Variants in ZCCHC7 observed in about 807,000 individuals in gnomAD.
The protein encoded by ZCCHC7 is zinc finger CCHC domain-containing protein 7.
Under a neutral mutation model 52.0 loss-of-function variants are expected in ZCCHC7, and 35 were observed. That is an observed-to-expected ratio of 0.67 (90% CI 0.51 to 0.89). ZCCHC7 has a LOEUF of 0.89. Among genes scored for constraint, ZCCHC7 ranks in the 40% least tolerant of loss-of-function variants. The probability of loss-of-function intolerance (pLI) is 0.00; values close to 1 mark genes in which losing one functional copy is unlikely to be tolerated. For synonymous variants in ZCCHC7, 217 were observed against 221.5 expected, an observed-to-expected ratio of 0.98 and a Z score of 0.18; for missense variants, 574 against 649.1, an observed-to-expected ratio of 0.88 and a Z score of 1.26.
chr9:37,170,459 C>CT (rs1387100228), intron 2 of ZCCHC7, among the ~76,000 whole-genome samples: 3 of 152,110 alleles, frequency 2.0e-5, no homozygotes, highest in African/African-American at 7.2e-5. Context: ...GTTCTGAGAG[C>CT]TTTTGGACTT....
At chr9:37,219,040 G>T (rs1236326367) in intron 2 of ZCCHC7, among the ~76,000 whole-genome samples, 3 of 151,312 alleles carry the variant, frequency 2.0e-5, no homozygotes, top group Non-Finnish European at 2.9e-5. Flanking sequence ...CTCCAGCCTG[G>T]TGACAGAGCA....
chr9:37,201,502 G>A (rs1302905701), intron 2 of ZCCHC7, among the ~76,000 whole-genome samples: 1 of 152,154 alleles, frequency 6.6e-6, no homozygotes, highest in Non-Finnish European at 1.5e-5. Context: ...GAGGAGGAAA[G>A]TAATAATATA....
At chr9:37,301,391 GT>G in intron 2 of ZCCHC7, among the ~76,000 whole-genome samples, 1 of 152,246 alleles carries the variant, frequency 6.6e-6, no homozygotes, top group South Asian at 2.1e-4. Context: ...GAGCTCAGGA[GT>G]TTGAGACCAG....
chr9:37,156,442 C>T (rs950335357), intron 2 of ZCCHC7, among the ~76,000 whole-genome samples: 3 of 152,162 alleles, frequency 2.0e-5, no homozygotes, highest in Admixed American at 6.6e-5. Context: ...CCGTAAACGC[C>T]ACAGCATATA....
intron 2 of ZCCHC7, among the ~76,000 whole-genome samples, chr9:37,230,833 T>C (rs533116074): frequency 3.9e-5 from 6 of 152,340 alleles, no homozygotes; most frequent in Non-Finnish European, 7.3e-5. Context: ...TGGAACTTTA[T>C]GGTTCTATGT....
chr9:37,343,159 A>T (rs1266910364), intron 6 of ZCCHC7, among the ~76,000 whole-genome samples: 1 of 152,248 alleles, frequency 6.6e-6, no homozygotes. Context: ...AGTGGGAGAC[A>T]GACTTCTCAC....
At chr9:37,292,170 A>T (rs1828570129) in intron 2 of ZCCHC7, among the ~76,000 whole-genome samples, 1 of 152,236 alleles carries the variant, frequency 6.6e-6, no homozygotes, top group Admixed American at 6.5e-5. Context: ...GTCTCATTAA[A>T]ATGTCTTATA....
At position 37,196,495 on chromosome 9, in the gene ZCCHC7, T is replaced by C. The variant is rs554217614; in HGVS notation, c.610+69553T>C. Among the ~76,000 whole-genome samples the C allele has an allele frequency of 1.2e-4, 19 of 152,290 alleles. No homozygotes were observed. The South Asian group carries it at 1.7e-3, about 13-fold the overall frequency. On this transcript the variant is annotated intron_variant, in intron 2 of 8. Transcript: ENST00000336755. ...GAGACCTGATGCAAAGAAAAAGGCA[T>C]TATTTTTAGTGGTGCAGCGATTTTG...
chr9:37,185,615 C>T (rs1822611211), intron 2 of ZCCHC7, among the ~76,000 whole-genome samples: 1 of 152,166 alleles, frequency 6.6e-6, no homozygotes, highest in Non-Finnish European at 1.5e-5. Flanking sequence ...TTTCTGGTGT[C>T]TGGTGTGGCT....
At chr9:37,330,361 G>C (rs1297601038) in intron 6 of ZCCHC7, among the ~76,000 whole-genome samples, 1 of 151,582 alleles carries the variant, frequency 6.6e-6, no homozygotes, top group Non-Finnish European at 1.5e-5. Flanking sequence ...TAATCAGCTA[G>C]ACTCGACTAC....
intron 2 of ZCCHC7, among the ~76,000 whole-genome samples, chr9:37,167,300 G>A (rs1480079103): frequency 7.1e-6 from 1 of 141,518 alleles, no homozygotes; most frequent in African/African-American, 2.6e-5. Context: ...ATGGGATCTT[G>A]CTTTGTTTCC....
chr9:37,265,514 A>G (rs185267227), intron 2 of ZCCHC7, among the ~76,000 whole-genome samples: 1 of 152,296 alleles, frequency 6.6e-6, no homozygotes, highest in African/African-American at 2.4e-5. Context: ...TTGAAATTAT[A>G]TTATCCAAGT....
intron 1 of ZCCHC7, among the ~76,000 whole-genome samples, chr9:37,122,764 C>T (rs1302875632): frequency 1.3e-5 from 2 of 152,152 alleles, no homozygotes; most frequent in South Asian, 2.1e-4. Context: ...ATGGTGAAAC[C>T]CGTCTCTGCT....
At chr9:37,191,492 A>G (rs1204766701) in intron 2 of ZCCHC7, among the ~76,000 whole-genome samples, 2 of 151,202 alleles carry the variant, frequency 1.3e-5, no homozygotes, top group Non-Finnish European at 2.9e-5. Flanking sequence ...CATGTCCCCT[A>G]CTCCCACCCC....
chr9:37,301,481 T>C (rs111849527), intron 2 of ZCCHC7, among the ~76,000 whole-genome samples: 3 of 152,066 alleles, frequency 2.0e-5, no homozygotes, highest in African/African-American at 7.2e-5. Context: ...GTTCCTGTAG[T>C]CCCAGCTACT....
intron 2 of ZCCHC7, among the ~76,000 whole-genome samples, chr9:37,171,916 G>C (rs1336939821): frequency 2.6e-5 from 4 of 152,138 alleles, no homozygotes; most frequent in Non-Finnish European, 2.9e-5. Context: ...GTATTCTTCT[G>C]TTATTTCTTA....
intron 2 of ZCCHC7, among the ~76,000 whole-genome samples, chr9:37,227,028 CAAAA>C (rs895936555): frequency 1.1e-5 from 1 of 92,672 alleles, no homozygotes; most frequent in South Asian, 3.7e-4. Context: ...GACTCCGTCT[CAAAA>C]AAAAAAAAAA....
chr9:37,162,257 G>A (rs1472918726), intron 2 of ZCCHC7, among the ~76,000 whole-genome samples: 1 of 151,762 alleles, frequency 6.6e-6, no homozygotes, highest in Non-Finnish European at 1.5e-5. Context: ...TAGTATATTT[G>A]ACACGTTTAA....
intron 2 of ZCCHC7, among the ~76,000 whole-genome samples, chr9:37,191,047 C>T (rs1338462694): frequency 6.6e-6 from 1 of 151,912 alleles, no homozygotes; most frequent in Admixed American, 6.6e-5. Flanking sequence ...AGAATACATG[C>T]ATTAGAACCC....
Sources: gnomAD v4.1 joint callset for allele counts (sites outside exome capture counted in the v4.1 genomes callset) on GRCh38, gnomAD v4.1.1 for gene constraint, MANE v1.5 for transcripts, NCBI Gene and HGNC (gene_info 2026-07-23, HGNC 2026-07-21) for gene names.